SYN3: variants seen among roughly 807,000 people sequenced by gnomAD.
The protein encoded by SYN3 is synapsin III, also known as synapsin-3.
A neutral mutation model predicts 65.8 loss-of-function variants in SYN3; 35 were observed. The ratio of observed to expected loss-of-function variants is 0.53; its 90% CI spans 0.41 to 0.70. SYN3 has a LOEUF of 0.70. Among genes scored for constraint, SYN3 ranks in the 30% least tolerant of loss-of-function variants. The probability of loss-of-function intolerance (pLI) is 0.00; values close to 1 mark genes in which losing one functional copy is unlikely to be tolerated. For missense variants in SYN3, 680 were observed against 749.0 expected, an observed-to-expected ratio of 0.91 and a Z score of 1.08; for synonymous variants, 270 against 292.9, an observed-to-expected ratio of 0.92 and a Z score of 0.80.
chr22:32,662,136 T>C (rs1309634141), intron 6 of SYN3, among the ~76,000 whole-genome samples: 1 of 152,182 alleles, frequency 6.6e-6, no homozygotes, highest in Non-Finnish European at 1.5e-5. Flanking sequence ...CTCTGTAGCA[T>C]GTGAATTAAT....
At chr22:32,949,323 C>T (rs951758298) in intron 3 of SYN3, among the ~76,000 whole-genome samples, 7 of 151,650 alleles carry the variant, frequency 4.6e-5, no homozygotes, top group Admixed American at 1.3e-4. Flanking sequence ...GGTGCTCAGG[C>T]AGGAGGATGC....
intron 6 of SYN3, among the ~76,000 whole-genome samples, chr22:32,828,863 T>C (rs2047489481): frequency 6.6e-6 from 1 of 151,998 alleles, no homozygotes; most frequent in Admixed American, 6.6e-5. Context: ...TCAGCCAAGC[T>C]TGGGGGAGAC....
intron 6 of SYN3, among the ~76,000 whole-genome samples, chr22:32,620,090 T>A (rs976726282): frequency 1.3e-5 from 2 of 152,228 alleles, no homozygotes; most frequent in African/African-American, 4.8e-5. Context: ...TAATACATTC[T>A]TATTATTTTA....
At chr22:32,571,530 T>C (rs1034936197) in intron 7 of SYN3, among the ~76,000 whole-genome samples, 11 of 152,210 alleles carry the variant, frequency 7.2e-5, no homozygotes, top group Admixed American at 2.6e-4. Flanking sequence ...TAATGGGTTA[T>C]AGTGGATAAA....
At chr22:32,838,326 G>T (rs2047796488) in intron 6 of SYN3, among the ~76,000 whole-genome samples, 1 of 152,190 alleles carries the variant, frequency 6.6e-6, no homozygotes, top group African/African-American at 2.4e-5. Flanking sequence ...TGGAGATGGG[G>T]CCTGGATAAA....
Position 32,529,012 on chromosome 22 carries a change from T to G in SYN3, c.1096-4A>C, listed in dbSNP as rs2058027515. ...GCGGCATTGAGCTGTCCATTACCTG[T>G]GGGGAGGAAGGGAGAGCTGAGGGAC... On this transcript the variant is annotated splice_polypyrimidine_tract_variant and splice_region_variant and intron_variant, in intron 10 of 13. Coordinates refer to ENST00000358763, the MANE Select transcript of SYN3 (RefSeq NM_003490.4). The G allele has an allele frequency of 1.2e-6, 2 of 1,613,536 alleles. No individual in the cohort carries two copies. The highest frequency in any genetic ancestry group is 1.7e-6 in the Non-Finnish European group (2 of 1,179,952).
chr22:32,508,338 C>A lies in SYN3; in HGVS notation c.*5354G>T, dbSNP rs549235133. Among the ~76,000 whole-genome samples the A allele has an allele frequency of 9.0e-3, 1,366 of 152,222 alleles. 20 individuals are homozygous for A. The highest frequency in any genetic ancestry group is 0.027 in the African/African-American group (1,134 of 41,520). On this transcript the variant is annotated 3_prime_UTR_variant, in exon 14 of 14. Transcript: ENST00000358763. ...GCCCACCAGAGAACAACCCCCTTTG[C>A]ATGTAATTTTCCATTACCTTCCCAA...
In SYN3 at chr22:33,006,518, CCA is replaced by C; in HGVS notation, c.143_144del (p.Leu48ArgfsTer13). The part of the protein sequence containing the change: ...PAMERRHPQP[L>X]AASFSSPGSS... ...GATCCTGGAGAGGAGAAGGAGGCAG[CCA>C]GGGGCTGGGGGTGCCTCCTCTCCAT... On this transcript the variant is annotated frameshift_variant, in exon 2 of 14. Coordinates refer to ENST00000358763, the MANE Select transcript of SYN3 (RefSeq NM_003490.4). LOFTEE classifies it high-confidence loss of function. 1 of 1,614,162 alleles carries C rather than the reference CCA, an allele frequency of 6.2e-7. No individual in the cohort carries two copies. The highest frequency in any genetic ancestry group is 8.5e-7 in the Non-Finnish European group (1 of 1,180,036).
At chr22:32,624,973 G>A (rs774437282) in intron 6 of SYN3, among the ~76,000 whole-genome samples, 30 of 152,166 alleles carry the variant, frequency 2.0e-4, no homozygotes, top group Non-Finnish European at 2.8e-4. Context: ...GATTCTCAAG[G>A]CACACAAAGA....
intron 6 of SYN3, among the ~76,000 whole-genome samples, chr22:32,745,202 C>T (rs896530754): frequency 6.6e-6 from 1 of 152,194 alleles, no homozygotes; most frequent in African/African-American, 2.4e-5. Context: ...CAGCACCCAG[C>T]TTCCCATCCA....
intron 6 of SYN3, among the ~76,000 whole-genome samples, chr22:32,654,678 T>C (rs2060118367): frequency 6.6e-6 from 1 of 152,178 alleles, no homozygotes. Flanking sequence ...GCAAGGGAAC[T>C]AGGTTGAACG....
At chr22:32,986,991 G>A (rs974196097) in intron 2 of SYN3, among the ~76,000 whole-genome samples, 2 of 152,152 alleles carry the variant, frequency 1.3e-5, no homozygotes, top group Admixed American at 1.3e-4. Flanking sequence ...ATGGGTATGG[G>A]GCTCTTTTGT....
intron 6 of SYN3, among the ~76,000 whole-genome samples, chr22:32,855,939 T>C (rs1011823325): frequency 6.6e-6 from 1 of 152,242 alleles, no homozygotes; most frequent in Admixed American, 6.5e-5. Flanking sequence ...ACTTTGTAGA[T>C]ACATTTATGT....
chr22:32,808,832 A>G (rs558980989), intron 6 of SYN3, among the ~76,000 whole-genome samples: 1 of 152,326 alleles, frequency 6.6e-6, no homozygotes, highest in East Asian at 1.9e-4. Context: ...CCAAAGCTGC[A>G]TGGGAAACTC....
intron 1 of SYN3, among the ~76,000 whole-genome samples, chr22:33,055,718 G>A (rs2054243894): frequency 6.6e-6 from 1 of 152,148 alleles, no homozygotes; most frequent in South Asian, 2.1e-4. Flanking sequence ...GAAACTGAAG[G>A]CAAGGAGTCA....
chr22:32,969,514 C>T (rs116674119), intron 3 of SYN3, among the ~76,000 whole-genome samples: 2,451 of 152,250 alleles, frequency 0.016, 61 homozygotes, highest in African/African-American at 0.054. Context: ...GCTATTAAAA[C>T]CATCAGAAGG....
chr22:32,931,508 G>C (rs1321943541), intron 3 of SYN3, 27 bp from the exon 4 acceptor site: 3 of 1,532,514 alleles, frequency 2.0e-6, no homozygotes, highest in Non-Finnish European at 2.7e-6. Context: ...AGCAAAAAAG[G>C]ATTCATCAAA....
At chr22:32,883,840 GT>G (rs1213078371) in intron 4 of SYN3, among the ~76,000 whole-genome samples, 1 of 152,242 alleles carries the variant, frequency 6.6e-6, no homozygotes, top group Non-Finnish European at 1.5e-5. Flanking sequence ...AAGTTGGCAA[GT>G]TTTGGTGTGT....
intron 6 of SYN3, among the ~76,000 whole-genome samples, chr22:32,840,653 C>G (rs533420117): frequency 1.2e-3 from 183 of 152,280 alleles, no homozygotes; most frequent in Non-Finnish European, 2.0e-3. Flanking sequence ...CTCCGCCCCC[C>G]ACCCAGATCA....
Sources: allele counts gnomAD v4.1 joint callset (sites outside exome capture counted in the v4.1 genomes callset), GRCh38; gene constraint gnomAD v4.1.1; transcripts MANE v1.5; gene names NCBI Gene and HGNC (gene_info 2026-07-23, HGNC 2026-07-21).